Variants in PPP4R2 observed in about 807,000 individuals in gnomAD.
PPP4R2 encodes the protein serine/threonine-protein phosphatase 4 regulatory subunit 2.
In PPP4R2, 13 loss-of-function variants were observed where a neutral mutation model predicts 47.2. That is an observed-to-expected ratio of 0.28 (90% confidence interval 0.18 to 0.44). PPP4R2 has a LOEUF of 0.44. PPP4R2 is among the 20% of genes least tolerant of loss of function. The pLI, the probability that PPP4R2 is intolerant of heterozygous loss-of-function variation, is 1.00. For synonymous variants in PPP4R2, 151 were observed against 163.3 expected (o/e 0.92, Z 0.57); for missense variants, 421 against 491.2 (o/e 0.86, Z 1.35).
At chr3:73,036,582 C>T (rs1488703719) in intron 2 of PPP4R2, among the ~76,000 whole-genome samples, 2 of 152,160 alleles carry the variant, frequency 1.3e-5, no homozygotes, top group East Asian at 1.9e-4. Flanking sequence ...TCCCAGGAAG[C>T]GTTAATTCAT....
rs560829321 is a variant in PPP4R2 at position 73,014,624 on chromosome 3, T to C, written c.116+16466T>C. On this transcript the variant is annotated intron_variant, in intron 2 of 8. Coordinates refer to ENST00000356692, the MANE Select transcript of PPP4R2 (RefSeq NM_174907.4). ...ATTATTAGGCTTTTAAATCTGAAAA[T>C]CTGGTAGGTGAAAAATGCTTTATTT... 9.8e-5 allele frequency among the ~76,000 whole-genome samples: 15 copies of C among 152,290 alleles called. No individual in the cohort carries two copies. In the South Asian group the frequency reaches 3.1e-3, roughly 32 times the overall value.
At chr3:73,021,848 ATGTGTGTG>A (rs34010770) in intron 2 of PPP4R2, among the ~76,000 whole-genome samples, 56 of 131,006 alleles carry the variant, frequency 4.3e-4, no homozygotes, top group African/African-American at 1.3e-3. Context: ...ACATTTCTAT[ATGTGTGTG>A]TGTGTGTGTG....
chr3:73,042,302 T>C (rs1023254168), intron 2 of PPP4R2, among the ~76,000 whole-genome samples: 9 of 152,094 alleles, frequency 5.9e-5, no homozygotes, highest in Non-Finnish European at 2.9e-5. Context: ...AAATTGTTTT[T>C]GTTGCCAAGT....
At chr3:73,033,007 T>C (rs1363481894) in intron 2 of PPP4R2, among the ~76,000 whole-genome samples, 1 of 152,216 alleles carries the variant, frequency 6.6e-6, no homozygotes. Context: ...ATGATGAAAA[T>C]GGAAATTCTA....
intron 2 of PPP4R2, among the ~76,000 whole-genome samples, chr3:73,007,865 T>G (rs1004371371): frequency 1.3e-5 from 2 of 152,330 alleles, no homozygotes; most frequent in Admixed American, 6.5e-5. Context: ...TGAAAATTAT[T>G]TCTAAAATGT....
chr3:73,037,929 A>G (rs963213713), intron 2 of PPP4R2, among the ~76,000 whole-genome samples: 4 of 152,234 alleles, frequency 2.6e-5, no homozygotes, highest in Admixed American at 1.3e-4. Flanking sequence ...TGGCAGTAAC[A>G]AAGTAATTTT....
intron 2 of PPP4R2, among the ~76,000 whole-genome samples, chr3:73,016,745 T>A (rs77977909): frequency 0.042 from 5,624 of 133,066 alleles, 296 homozygotes; most frequent in African/African-American, 0.063. Flanking sequence ...TTTTATTATT[T>A]TTTTTTTTTA....
chr3:73,051,461 A>G (rs1031176203), intron 3 of PPP4R2, among the ~76,000 whole-genome samples: 10 of 151,948 alleles, frequency 6.6e-5, no homozygotes, highest in Non-Finnish European at 1.5e-4. Context: ...ATTGCCCTTT[A>G]TATCTTCTTT....
At position 73,064,873 on chromosome 3, in the gene PPP4R2, A is replaced by G. The variant is rs536827794; in HGVS notation, c.660A>G (p.Ser220=). 5 of 1,608,018 alleles carry G rather than the reference A, an allele frequency of 3.1e-6. No homozygotes were observed. In the East Asian group the frequency reaches 8.9e-5, roughly 29 times the overall value. Residue 220 remains serine, a synonymous_variant, in exon 8 of 9, where the codon TCA becomes TCG. Transcript: ENST00000356692. ...ACAGTGACTCTTCGACCTCTGAATC[A>G]GAAGTTTCCTCAGTGAGCCCTTTGA... The part of the protein sequence containing the change: ...KNHSDSSTSE[S]EVSSVSPLKN...
intron 3 of PPP4R2, among the ~76,000 whole-genome samples, chr3:73,048,652 A>G (rs1575877113): frequency 6.6e-6 from 1 of 152,232 alleles, no homozygotes; most frequent in East Asian, 1.9e-4. Context: ...AGGGTGTGGA[A>G]CAACAATACC....
rs890694797 is a variant in PPP4R2, at chr3:73,067,650, C to T, written c.*1928C>T. 1.8e-4 allele frequency: 28 copies of T among 152,046 alleles called. No homozygotes were observed. The highest frequency in any genetic ancestry group is 3.2e-4 in the Non-Finnish European group (22 of 67,972). The allele number at this position is 152,046 out of a possible 1,614,324, so 9.4% of individuals were successfully genotyped here. ...GAATATTTATGAAATTGTCAGTAAA[C>T]TTACCTAAGATCCTGTGACCTTTTG... On this transcript the variant is annotated 3_prime_UTR_variant, in exon 9 of 9. Transcript: ENST00000356692.
intron 2 of PPP4R2, among the ~76,000 whole-genome samples, chr3:73,046,377 A>G (rs1409824173): frequency 6.6e-6 from 1 of 152,164 alleles, no homozygotes; most frequent in Non-Finnish European, 1.5e-5. Context: ...GTGTAAAGAG[A>G]TTGATCTGCT....
intron 2 of PPP4R2, among the ~76,000 whole-genome samples, chr3:73,024,405 T>C (rs1702018444): frequency 1.3e-5 from 2 of 152,196 alleles, no homozygotes; most frequent in Non-Finnish European, 2.9e-5. Context: ...GAGGATCTTG[T>C]ACATTCTGTA....
chr3:73,062,298 C>T, intron 5 of PPP4R2: 1 of 1,607,724 alleles, frequency 6.2e-7, no homozygotes, highest in Non-Finnish European at 8.5e-7. Flanking sequence ...GCTCCCTGAC[C>T]TTCAAGGAAG....
At chr3:73,022,778 T>C (rs201390783) in intron 2 of PPP4R2, among the ~76,000 whole-genome samples, 1 of 152,146 alleles carries the variant, frequency 6.6e-6, no homozygotes, top group East Asian at 1.9e-4. Context: ...CTTTTTTTTT[T>C]TTTTTTTTAA....
chr3:73,029,986 C>G (rs1244245540), intron 2 of PPP4R2, among the ~76,000 whole-genome samples: 2 of 152,056 alleles, frequency 1.3e-5, no homozygotes, highest in African/African-American at 4.8e-5. Flanking sequence ...GGACAGAAAG[C>G]TTGGAGTAGA....
Position 73,048,238 on chromosome 3 carries a change from A to G in PPP4R2, c.287+882A>G, listed in dbSNP as rs1421829527. Reference sequence around the variant, plus strand: ...CTGTCATTTTAAATTCTATTTTTGTAGGACTTTGTTTTTTGTTTTATTTTG... The same window carrying G: ...CTGTCATTTTAAATTCTATTTTTGTGGGACTTTGTTTTTTGTTTTATTTTG... On this transcript the variant is annotated intron_variant, in intron 3 of 8. Transcript: ENST00000356692. Among the ~76,000 whole-genome samples, 3 of 151,684 alleles carry G rather than the reference A, an allele frequency of 2.0e-5. No homozygotes were observed. The East Asian group carries it at 5.9e-4, about 30-fold the overall frequency.
chr3:73,001,694 A>G (rs1307121161), intron 2 of PPP4R2, among the ~76,000 whole-genome samples: 1 of 151,880 alleles, frequency 6.6e-6, no homozygotes, highest in Non-Finnish European at 1.5e-5. Context: ...ACTGGATCGT[A>G]GTGGCGCGAT....
At position 73,068,232 on chromosome 3, in the gene PPP4R2, TAA is replaced by T. The variant is rs1009187478; in HGVS notation, c.*2513_*2514del. On this transcript the variant is annotated 3_prime_UTR_variant, in exon 9 of 9. Transcript: ENST00000356692. Reference sequence around the variant, plus strand: ...TAACATATATCAAGCAAAGTCCTGTTAAAAGATCTAAATGAAGAATGGAGACC... The same window carrying T: ...TAACATATATCAAGCAAAGTCCTGTTAAGATCTAAATGAAGAATGGAGACC... The T allele has an allele frequency of 1.3e-5, 2 of 152,132 alleles. No homozygotes were observed. Among genetic ancestry groups the T allele is most frequent in the African/African-American group, 4.8e-5 (2 of 41,444 alleles). 9.4% of individuals were successfully genotyped at this position (152,132 alleles called of 1,614,324 possible).
Sources: allele counts gnomAD v4.1 joint callset (sites outside exome capture counted in the v4.1 genomes callset), GRCh38; gene constraint gnomAD v4.1.1; transcripts MANE v1.5; gene names NCBI Gene and HGNC (gene_info 2026-07-23, HGNC 2026-07-21).